USP47: variants seen among roughly 807,000 people sequenced by gnomAD.
USP47 encodes ubiquitin carboxyl-terminal hydrolase 47.
A neutral mutation model predicts 165.1 loss-of-function variants in USP47; 35 were observed. That is an observed-to-expected ratio of 0.21 (90% CI 0.16 to 0.28). The LOEUF (loss-of-function observed/expected upper bound fraction) is 0.28. Among genes scored for constraint, USP47 ranks in the 10% least tolerant of loss-of-function variants. The pLI, the probability that USP47 is intolerant of heterozygous loss-of-function variation, is 1.00. For synonymous variants in USP47, 531 were observed against 544.5 expected, an observed-to-expected ratio of 0.98 and a Z score of 0.35; for missense variants, 1,277 against 1,607.4, an observed-to-expected ratio of 0.79 and a Z score of 3.52.
At chr11:11,918,277 AT>A (rs1853575243) in intron 8 of USP47, among the ~76,000 whole-genome samples, 4 of 152,122 alleles carry the variant, frequency 2.6e-5, no homozygotes, top group Admixed American at 2.6e-4. Flanking sequence ...TCTTCAAAAA[AT>A]ATCAGTGTTA....
intron 11 of USP47, among the ~76,000 whole-genome samples, chr11:11,925,822 T>A (rs539282303): frequency 0.012 from 1,902 of 152,262 alleles, 35 homozygotes; most frequent in African/African-American, 0.043. Context: ...TTGTTCCCAA[T>A]CTTAGAGGGA....
intron 1 of USP47, among the ~76,000 whole-genome samples, chr11:11,861,278 T>G (rs910860773): frequency 2.6e-5 from 4 of 152,094 alleles, no homozygotes; most frequent in Non-Finnish European, 5.9e-5. Flanking sequence ...TATTTTTTAG[T>G]AGAGACGGGG....
chr11:11,870,679 C>T lies in USP47; in HGVS notation c.40-9498C>T, dbSNP rs141269175. On this transcript the variant is annotated intron_variant, in intron 1 of 27. Transcript: ENST00000527733. ...GTTTGACGGTTATTTTTTGTAAGCA[C>T]CTGAAAAATACTGTGCCACTTCCTT... Among the ~76,000 whole-genome samples the T allele has an allele frequency of 4.1e-3, 624 of 152,254 alleles. 6 individuals are homozygous for T. Among genetic ancestry groups the T allele is most frequent in the African/African-American group, 0.014 (576 of 41,532 alleles).
At chr11:11,844,456 C>T (rs1848316393) in intron 1 of USP47, among the ~76,000 whole-genome samples, 1 of 152,164 alleles carries the variant, frequency 6.6e-6, no homozygotes, top group African/African-American at 2.4e-5. Context: ...GTTACCCCTC[C>T]ACTTTACAGT....
intron 1 of USP47, among the ~76,000 whole-genome samples, chr11:11,847,818 G>C (rs1362855440): frequency 1.3e-5 from 2 of 152,194 alleles, no homozygotes; most frequent in Non-Finnish European, 2.9e-5. Context: ...ATGAGATTAA[G>C]ATTTACCTGT....
At chr11:11,920,048 T>C (rs1434787865) in intron 8 of USP47, 108 bp from the exon 9 acceptor site, 4 of 773,858 alleles carry the variant, frequency 5.2e-6, no homozygotes, top group Admixed American at 7.9e-5. Context: ...TTCCTAAATT[T>C]CTAACCATTC....
rs1264234198 is a variant in USP47, at chr11:11,929,029, T to C, written c.1387-405T>C. 7.2e-5 allele frequency among the ~76,000 whole-genome samples: 11 copies of C among 152,060 alleles called. No individual in the cohort carries two copies. The East Asian group carries it at 7.7e-4, about 11-fold the overall frequency. Reference sequence around the variant, plus strand: ...TCCAAATAATTATATTCCTCAGCTCTTTTGTAAAGGAAATAGAATTTGAAT... The same window carrying C: ...TCCAAATAATTATATTCCTCAGCTCCTTTGTAAAGGAAATAGAATTTGAAT... On this transcript the variant is annotated intron_variant, in intron 11 of 27. Transcript: ENST00000527733.
At chr11:11,892,834 AG>A (rs368718390) in intron 4 of USP47, among the ~76,000 whole-genome samples, 37,429 of 129,228 alleles carry the variant, frequency 0.29, 6,240 homozygotes, top group East Asian at 0.46. Context: ...AAAAAAAAAA[AG>A]AAAAAGAAAA....
chr11:11,879,073 AG>A (rs1295237491), intron 1 of USP47, among the ~76,000 whole-genome samples: 1 of 152,200 alleles, frequency 6.6e-6, no homozygotes, highest in Admixed American at 6.6e-5. Context: ...TGTCAGGGAA[AG>A]CAAGAGATTT....
At position 11,936,482 on chromosome 11, in the gene USP47, T is replaced by A. The variant is rs754640795; in HGVS notation, c.2049T>A (p.Asp683Glu). ...TGCTGTTGGAGACGAGAAAGCCTGA[T>A]CAGGTTTTCCAATCTTATAAACCTG... is the stretch of plus-strand genomic sequence containing the variant. ...FDLLLETRKP[D>E]QVFQSYKPGE... The change falls in exon 17 of 28, where the codon GAT (aspartate) becomes GAA (glutamate). Residue 683 changes from aspartate (D) to glutamate (E), a missense_variant. Physicochemically the swap from Asp to Glu is conservative, Grantham distance 45 (BLOSUM62 2). Around this residue, in one of 4 missense-constraint regions of USP47, gnomAD observed 909 missense variants for 1,068.1 expected, o/e 0.85. Transcript: ENST00000527733. 6.3e-7 allele frequency: 1 copy of A among 1,593,066 alleles called. No individual in the cohort carries two copies. Among genetic ancestry groups the A allele is most frequent in the Non-Finnish European group, 8.6e-7 (1 of 1,165,978 alleles).
chr11:11,842,286 G>A, intron 1 of USP47, 62 bp downstream of exon 1: 2 of 1,523,454 alleles, frequency 1.3e-6, no homozygotes, highest in Non-Finnish European at 1.8e-6. Flanking sequence ...ACACAGGCCC[G>A]GGCCGGGGTT....
At chr11:11,878,134 C>G (rs540753735) in intron 1 of USP47, among the ~76,000 whole-genome samples, 10 of 152,162 alleles carry the variant, frequency 6.6e-5, no homozygotes, top group Admixed American at 3.3e-4. Flanking sequence ...GGAGAGGCAT[C>G]TGGGGTGCTT....
At chr11:11,866,535 G>A (rs1308749909) in intron 1 of USP47, among the ~76,000 whole-genome samples, 1 of 152,174 alleles carries the variant, frequency 6.6e-6, no homozygotes, top group African/African-American at 2.4e-5. Context: ...AGGTGAAGAT[G>A]GCACTATGGT....
At chr11:11,870,145 A>G (rs1413380738) in intron 1 of USP47, among the ~76,000 whole-genome samples, 1 of 144,456 alleles carries the variant, frequency 6.9e-6, no homozygotes, top group African/African-American at 2.6e-5. Context: ...ATTTTGATTA[A>G]TTTATAGTAT....
intron 1 of USP47, among the ~76,000 whole-genome samples, chr11:11,868,529 G>T (rs1849829923): frequency 6.6e-6 from 1 of 152,110 alleles, no homozygotes; most frequent in South Asian, 2.1e-4. Flanking sequence ...TAATTTGTTT[G>T]ACCATTTAGT....
intron 21 of USP47, 161 bp downstream of exon 21, chr11:11,948,281 C>A: frequency 1.1e-6 from 1 of 909,686 alleles, no homozygotes; most frequent in Non-Finnish European, 1.6e-6. Flanking sequence ...TTTTTCTTCA[C>A]TCATCTAACA....
At chr11:11,894,297 A>G (rs2134395779) in intron 4 of USP47, among the ~76,000 whole-genome samples, 1 of 152,204 alleles carries the variant, frequency 6.6e-6, no homozygotes, top group Non-Finnish European at 1.5e-5. Context: ...CTCTACTAAA[A>G]ATACAAAAAT....
At chr11:11,885,006 T>C (rs1851063187) in intron 3 of USP47, among the ~76,000 whole-genome samples, 1 of 152,190 alleles carries the variant, frequency 6.6e-6, no homozygotes, top group African/African-American at 2.4e-5. Flanking sequence ...TCTCACTTCC[T>C]CCCCTAACCT....
chr11:11,850,212 C>G (rs1848647529), intron 1 of USP47, among the ~76,000 whole-genome samples: 2 of 149,484 alleles, frequency 1.3e-5, no homozygotes, highest in African/African-American at 4.9e-5. Context: ...TTTATCTCTC[C>G]TCTCTCTTTT....
Sources: gnomAD v4.1 joint callset for allele counts (sites outside exome capture counted in the v4.1 genomes callset) on GRCh38, gnomAD v4.1.1 for gene constraint, gnomAD v4.1.1 regional missense constraint, MANE v1.5 for transcripts, NCBI Gene and HGNC (gene_info 2026-07-23, HGNC 2026-07-21) for gene names.